Variants in PCDH15 observed in about 807,000 individuals in gnomAD.
PCDH15 encodes the protein protocadherin related 15, also known as protocadherin-15.
Under a neutral mutation model 178.5 loss-of-function variants are expected in PCDH15, and 129 were observed. The observed-to-expected ratio is 0.72, with a 90% CI of 0.63 to 0.84. The LOEUF (loss-of-function observed/expected upper bound fraction) is 0.84, where lower values mean the gene tolerates loss of function less well. PCDH15 is among the 40% of genes least tolerant of loss of function. PCDH15 has a pLI of 0.00. For missense variants in PCDH15, 2,230 were observed against 2,099.9 expected (o/e 1.06, Z -1.21); for synonymous variants, 800 against 732.0 (o/e 1.09, Z -1.50).
chr10:55,462,196 G>A (rs1339163657), intron 2 of PCDH15, among the ~76,000 whole-genome samples: 1 of 152,018 alleles, frequency 6.6e-6, no homozygotes, highest in Non-Finnish European at 1.5e-5. Context: ...GTGAATTTTT[G>A]TAATAATCTA....
At chr10:54,898,398 A>G (rs1205535627) in intron 2 of PCDH15, among the ~76,000 whole-genome samples, 3 of 152,166 alleles carry the variant, frequency 2.0e-5, no homozygotes, top group Non-Finnish European at 4.4e-5. Context: ...CATATCTTGA[A>G]AAAACTATAA....
chr10:53,994,228 G>T (rs1264351725), intron 21 of PCDH15, among the ~76,000 whole-genome samples: 2 of 152,134 alleles, frequency 1.3e-5, no homozygotes, highest in Non-Finnish European at 2.9e-5. Flanking sequence ...CTGTCTATAC[G>T]AAGACTTTCA....
chr10:54,906,751 G>A (rs1196153229), intron 2 of PCDH15, among the ~76,000 whole-genome samples: 1 of 152,122 alleles, frequency 6.6e-6, no homozygotes, highest in East Asian at 1.9e-4. Flanking sequence ...AAGACAGCAA[G>A]TACATAGGAA....
At chr10:55,574,813 C>T (rs909588704) in intron 2 of PCDH15, among the ~76,000 whole-genome samples, 6 of 151,932 alleles carry the variant, frequency 3.9e-5, no homozygotes, top group Non-Finnish European at 8.8e-5. Context: ...GGATATTATA[C>T]TAAGGAAACC....
chr10:54,594,365 T>C (rs2092077992), intron 2 of PCDH15, among the ~76,000 whole-genome samples: 1 of 152,058 alleles, frequency 6.6e-6, no homozygotes, highest in African/African-American at 2.4e-5. Context: ...GAACGTAGAC[T>C]CTGTAGAGCA....
chr10:54,431,031 G>C (rs1956903821), intron 3 of PCDH15, among the ~76,000 whole-genome samples: 1 of 151,876 alleles, frequency 6.6e-6, no homozygotes, highest in South Asian at 2.1e-4. Context: ...TAAGTTCCTA[G>C]ACACATACAA....
At chr10:55,613,576 G>A (rs1316451553) in intron 2 of PCDH15, among the ~76,000 whole-genome samples, 2 of 152,084 alleles carry the variant, frequency 1.3e-5, no homozygotes, top group African/African-American at 4.8e-5. Context: ...TCACACATAA[G>A]GATAATCATT....
At chr10:55,577,990 T>A (rs774703243) in intron 2 of PCDH15, among the ~76,000 whole-genome samples, 3 of 152,110 alleles carry the variant, frequency 2.0e-5, no homozygotes, top group Non-Finnish European at 4.4e-5. Context: ...TTCCAGTCCC[T>A]GGATTTAACC....
chr10:54,564,589 T>C (rs1201548146), intron 2 of PCDH15, among the ~76,000 whole-genome samples: 1 of 152,120 alleles, frequency 6.6e-6, no homozygotes. Flanking sequence ...TGCATATAAA[T>C]GATGTGACTC....
At chr10:53,813,836 A>G (rs550618513) in intron 35 of PCDH15, among the ~76,000 whole-genome samples, 1 of 152,208 alleles carries the variant, frequency 6.6e-6, no homozygotes, top group Non-Finnish European at 1.5e-5. Context: ...AATATGTTAC[A>G]GGCCAGAAGG....
At chr10:54,236,995 C>G in intron 8 of PCDH15, 64 bp from the exon 9 acceptor site, 2 of 1,350,868 alleles carry the variant, frequency 1.5e-6, no homozygotes, top group Non-Finnish European at 2.1e-6. Flanking sequence ...AGGATTGAGA[C>G]AGATGCTTTA....
intron 2 of PCDH15, chr10:54,606,482 T>C (rs2092745881): frequency 6.6e-6 from 1 of 152,150 alleles, no homozygotes; most frequent in African/African-American, 2.4e-5. Flanking sequence ...AGGCTTCACA[T>C]ACTGCCCAAA....
At chr10:54,882,952 T>C (rs955671122) in intron 3 of PCDH15, among the ~76,000 whole-genome samples, 1 of 152,002 alleles carries the variant, frequency 6.6e-6, no homozygotes, top group Non-Finnish European at 1.5e-5. Flanking sequence ...AGAGTGCATA[T>C]AGTACATGCT....
intron 2 of PCDH15, among the ~76,000 whole-genome samples, chr10:55,442,482 T>A (rs7078925): frequency 0.077 from 4,189 of 54,678 alleles, 154 homozygotes; most frequent in African/African-American, 0.16. Flanking sequence ...ATATATATAT[T>A]ATATATATAT....
chr10:54,610,181 G>A (rs1353745472), intron 2 of PCDH15, among the ~76,000 whole-genome samples: 4 of 151,296 alleles, frequency 2.6e-5, no homozygotes, highest in Admixed American at 6.6e-5. Context: ...TGCAGATCTC[G>A]ATTTTTTCAA....
At chr10:54,125,787 T>C (rs1373547112) in intron 15 of PCDH15, among the ~76,000 whole-genome samples, 1 of 152,160 alleles carries the variant, frequency 6.6e-6, no homozygotes, top group Non-Finnish European at 1.5e-5. Flanking sequence ...TAGGTATTGA[T>C]GCTATTATTA....
At chr10:54,995,575 G>A (rs1839621613) in intron 2 of PCDH15, among the ~76,000 whole-genome samples, 1 of 151,340 alleles carries the variant, frequency 6.6e-6, no homozygotes, top group Admixed American at 6.6e-5. Context: ...TGGTCCAACT[G>A]TCCCGTAGAA....
chr10:55,139,385 TA>T (rs35135561), intron 2 of PCDH15, among the ~76,000 whole-genome samples: 80,484 of 151,770 alleles, frequency 0.53, 21,698 homozygotes, highest in South Asian at 0.63. Flanking sequence ...AAATTTTCTC[TA>T]TGTATTTTCT....
chr10:54,718,035 C>T (rs2095502216), intron 1 of PCDH15, among the ~76,000 whole-genome samples: 1 of 149,570 alleles, frequency 6.7e-6, no homozygotes, highest in Admixed American at 6.7e-5. Context: ...ACCGCACAGT[C>T]TCACTCATAG....
Sources: allele counts gnomAD v4.1 joint callset (sites outside exome capture counted in the v4.1 genomes callset), GRCh38; gene constraint gnomAD v4.1.1; transcripts MANE v1.5; gene names NCBI Gene and HGNC (gene_info 2026-07-23, HGNC 2026-07-21).